The following MON2 variants were observed in gnomAD, a reference collection of about 807,000 sequenced individuals.
MON2 encodes MON2 regulator of endosome-to-Golgi trafficking.
A neutral mutation model predicts 208.6 loss-of-function variants in MON2; 84 were observed. The ratio of observed to expected loss-of-function variants is 0.40; its 90% CI spans 0.34 to 0.48. MON2 has a LOEUF of 0.48. Among genes scored for constraint, MON2 ranks in the 20% least tolerant of loss-of-function variants. MON2 has a pLI of 0.59. For synonymous variants in MON2, 660 were observed against 694.0 expected (o/e 0.95, Z 0.77); for missense variants, 1,611 against 2,015.4 (o/e 0.80, Z 3.84).
At chr12:62,584,493 G>A (rs2075125472) in intron 32 of MON2, among the ~76,000 whole-genome samples, 1 of 152,092 alleles carries the variant, frequency 6.6e-6, no homozygotes, top group Non-Finnish European at 1.5e-5. Flanking sequence ...CACGAGGTCA[G>A]GAAATCGAGA....
chr12:62,475,124 C>T (rs1318396546), intron 1 of MON2, among the ~76,000 whole-genome samples: 2 of 152,060 alleles, frequency 1.3e-5, no homozygotes, highest in East Asian at 3.9e-4. Context: ...AGCTTTATCA[C>T]CCTCAAATCT....
intron 7 of MON2, among the ~76,000 whole-genome samples, chr12:62,505,079 T>A (rs1463603224): frequency 6.6e-6 from 1 of 152,204 alleles, no homozygotes; most frequent in African/African-American, 2.4e-5. Context: ...TTAAGGGCAT[T>A]GAAGCTTTGC....
chr12:62,561,089 T>TA lies in MON2; in HGVS notation c.4009dup (p.Thr1337AsnfsTer26). 6.2e-7 allele frequency: 1 copy of TA among 1,611,058 alleles called. No individual in the cohort carries two copies. Among genetic ancestry groups the TA allele is most frequent in the Non-Finnish European group, 8.5e-7 (1 of 1,178,764 alleles). ...TGACAAGTTTACAGGAAGCTGTACT[T>TA]ACAGCTTTAGATGTTCTCCAAAAGG... On this transcript the variant is annotated frameshift_variant, in exon 26 of 35. Coordinates refer to ENST00000393630, the MANE Select transcript of MON2 (RefSeq NM_015026.3). LOFTEE classifies it high-confidence loss of function.
chr12:62,469,002 G>T (rs1317260192), intron 1 of MON2, among the ~76,000 whole-genome samples: 1 of 152,024 alleles, frequency 6.6e-6, no homozygotes, highest in African/African-American at 2.4e-5. Flanking sequence ...AGGCTGGAGT[G>T]CAGTGGTGCG....
intron 1 of MON2, among the ~76,000 whole-genome samples, chr12:62,475,000 A>C (rs1292922865): frequency 6.6e-6 from 1 of 152,206 alleles, no homozygotes; most frequent in Non-Finnish European, 1.5e-5. Context: ...AATAGCATAC[A>C]TGACTTCAAA....
chr12:62,549,456 C>CAAAA (rs5798647), intron 22 of MON2, among the ~76,000 whole-genome samples: 1 of 98,520 alleles, frequency 1.0e-5, no homozygotes, highest in Non-Finnish European at 2.2e-5. Context: ...CCTGTCTCCA[C>CAAAA]AAAAAAAAAA....
intron 34 of MON2, among the ~76,000 whole-genome samples, chr12:62,589,691 C>T (rs947486169): frequency 1.4e-5 from 2 of 146,292 alleles, no homozygotes; most frequent in Admixed American, 1.4e-4. Context: ...GGGAGGATTG[C>T]TTGAGCCTAG....
Position 62,578,495 on chromosome 12 carries a change from T to C in MON2, c.4565T>C (p.Ile1522Thr), listed in dbSNP as rs752765677. 4.0e-6 allele frequency: 6 copies of C among 1,501,176 alleles called. No individual in the cohort carries two copies. The South Asian group carries it at 5.0e-5, about 12-fold the overall frequency. 93.0% of individuals were successfully genotyped at this position (1,501,176 alleles called of 1,614,324 possible). The change falls in exon 31 of 35, where the codon ATT (isoleucine) becomes ACT (threonine). Residue 1522 changes from isoleucine to threonine, a missense_variant. Coordinates refer to ENST00000393630, the MANE Select transcript of MON2 (RefSeq NM_015026.3). ...CAAGAGTTTCAAAGAAATGAAAATA[T>C]TGATGTCGAGGTAAGGAGGCTATTT... ...SIQEFQRNEN[I>T]DVEVVQLISN...
rs2068550067 is a variant in MON2, at chr12:62,467,037, G to A, written c.-171G>A. The A allele has an allele frequency of 3.6e-6, 2 of 562,240 alleles. No individual in the cohort carries two copies. The highest frequency in any genetic ancestry group is 6.3e-6 in the Non-Finnish European group (2 of 317,472). The allele number at this position is 562,240 out of a possible 1,614,324, so 34.8% of individuals were successfully genotyped here. On this transcript the variant is annotated 5_prime_UTR_variant, in exon 1 of 35. Coordinates refer to ENST00000393630, the MANE Select transcript of MON2 (RefSeq NM_015026.3). Reference sequence around the variant, plus strand: ...CCGAGAAAAGCCAGAGGTGTTGCGGGGAAGCTGCTGGGGGACGCTCGAGCA... The same window carrying A: ...CCGAGAAAAGCCAGAGGTGTTGCGGAGAAGCTGCTGGGGGACGCTCGAGCA...
At chr12:62,533,752 T>C (rs1050073603) in intron 12 of MON2, among the ~76,000 whole-genome samples, 1 of 152,112 alleles carries the variant, frequency 6.6e-6, no homozygotes, top group African/African-American at 2.4e-5. Flanking sequence ...ACCACTTGGA[T>C]AGGAAATACA....
At chr12:62,534,477 C>T (rs2072812360) in intron 12 of MON2, among the ~76,000 whole-genome samples, 1 of 130,328 alleles carries the variant, frequency 7.7e-6, no homozygotes, top group African/African-American at 2.9e-5. Context: ...CAAGATCATG[C>T]CACTGCACTC....
rs910864623 is a variant in MON2 at position 62,571,340 on chromosome 12, T to C, written c.4324-52T>C. The C allele has an allele frequency of 9.6e-6, 12 of 1,247,004 alleles. No individual in the cohort carries two copies. In the African/African-American group the frequency reaches 1.7e-4, roughly 18 times the overall value. The allele number at this position is 1,247,004 out of a possible 1,614,324, so 77.2% of individuals were successfully genotyped here. A position where few individuals can be genotyped will look rare whatever the true frequency, so the allele number is the denominator to read the frequency against. ...CTGCTGTAGTTTTTCTTAATTAAAA[T>C]TGTGTGTGTATGTTTTAATTAATGC... On this transcript the variant is annotated intron_variant, in intron 29 of 34. Transcript: ENST00000393630.
intron 2 of MON2, among the ~76,000 whole-genome samples, chr12:62,489,522 T>G (rs1158338073): frequency 6.6e-6 from 1 of 152,114 alleles, no homozygotes; most frequent in Non-Finnish European, 1.5e-5. Flanking sequence ...CTTTTCAGTT[T>G]TATATAACCT....
chr12:62,586,811 G>A (rs954378919), intron 33 of MON2, among the ~76,000 whole-genome samples: 4 of 152,174 alleles, frequency 2.6e-5, no homozygotes, highest in African/African-American at 9.6e-5. Flanking sequence ...TTTGATTTCA[G>A]AAGAAAACTT....
chr12:62,468,066 A>G (rs2068600521), intron 1 of MON2, among the ~76,000 whole-genome samples: 1 of 151,974 alleles, frequency 6.6e-6, no homozygotes, highest in Non-Finnish European at 1.5e-5. Flanking sequence ...TAATACATGG[A>G]AATTTAATTC....
chr12:62,469,058 G>A (rs1177287270), intron 1 of MON2, among the ~76,000 whole-genome samples: 1 of 151,514 alleles, frequency 6.6e-6, no homozygotes. Flanking sequence ...TCCCACCTCA[G>A]CCCCCTGAGT....
At chr12:62,527,000 C>A (rs976059627) in intron 11 of MON2, among the ~76,000 whole-genome samples, 3 of 151,976 alleles carry the variant, frequency 2.0e-5, no homozygotes, top group Non-Finnish European at 2.9e-5. Flanking sequence ...GTGGTGTGCA[C>A]CTGTAATCCC....
chr12:62,562,890 T>A (rs922825570), intron 26 of MON2, among the ~76,000 whole-genome samples: 4 of 152,178 alleles, frequency 2.6e-5, no homozygotes, highest in African/African-American at 9.6e-5. Flanking sequence ...CCCAGCCAAG[T>A]TGACTTAGTT....
intron 1 of MON2, among the ~76,000 whole-genome samples, chr12:62,478,417 G>A (rs2069212838): frequency 6.6e-6 from 1 of 152,144 alleles, no homozygotes; most frequent in Non-Finnish European, 1.5e-5. Flanking sequence ...GAAAGTGATG[G>A]AAGAAAAGAT....
Sources: allele counts gnomAD v4.1 joint callset (sites outside exome capture counted in the v4.1 genomes callset), GRCh38; gene constraint gnomAD v4.1.1; transcripts MANE v1.5; gene names NCBI Gene and HGNC (gene_info 2026-07-23, HGNC 2026-07-21).